Variants in CSMD1 observed in about 807,000 individuals in gnomAD.
CSMD1 encodes the protein CUB and sushi domain-containing protein 1.
CSMD1 carries 213 observed loss-of-function variants against 417.5 expected under a neutral mutation model. That is an observed-to-expected ratio of 0.51 (90% CI 0.46 to 0.57). The LOEUF (loss-of-function observed/expected upper bound fraction) is 0.57. Ranked by LOEUF, CSMD1 falls within the 20% of genes least tolerant of loss-of-function variation. CSMD1 has a pLI of 0.00. For missense variants in CSMD1, 6,923 were observed against 4,529.7 expected (o/e 1.53, Z -15.17); for synonymous variants, 2,862 against 1,736.8 (o/e 1.65, Z -16.11).
Position 3,915,405 on chromosome 8 carries a change from C to CAGAAAAA in CSMD1, c.818+82497_818+82498insTTTTTCT, listed in dbSNP as rs1554484704. Among the ~76,000 whole-genome samples, 645 of 76,222 alleles carry CAGAAAAA rather than the reference C, an allele frequency of 8.5e-3. 18 individuals are homozygous for CAGAAAAA. Among genetic ancestry groups the CAGAAAAA allele is most frequent in the African/African-American group, 0.022 (485 of 21,806 alleles). 50.0% of individuals were successfully genotyped at this position (76,222 alleles called of 152,430 possible). On this transcript the variant is annotated intron_variant, in intron 5 of 69. Coordinates refer to ENST00000635120, the MANE Select transcript of CSMD1 (RefSeq NM_033225.6). ...TAGGCGTCACAGTAAGACTCTGTCT[C>CAGAAAAA]AAAAAAAAAAAAAAAAAAAAAAAGA...
chr8:3,648,111 A>T (rs1241127920), intron 7 of CSMD1, among the ~76,000 whole-genome samples: 2 of 152,228 alleles, frequency 1.3e-5, no homozygotes, highest in African/African-American at 4.8e-5. Flanking sequence ...GGTGTCTCCT[A>T]AAAACAGAAC....
intron 2 of CSMD1, among the ~76,000 whole-genome samples, chr8:4,435,138 C>G (rs975779775): frequency 6.6e-6 from 1 of 151,980 alleles, no homozygotes; most frequent in Non-Finnish European, 1.5e-5. Context: ...TTTAAAGTAT[C>G]AGTAATATAT....
At chr8:4,056,048 C>G (rs896473855) in intron 3 of CSMD1, among the ~76,000 whole-genome samples, 3 of 149,978 alleles carry the variant, frequency 2.0e-5, no homozygotes, top group Non-Finnish European at 3.0e-5. Context: ...GAACTCAACC[C>G]TGAATCTCTG....
At chr8:3,608,453 G>A (rs1167543675) in intron 8 of CSMD1, among the ~76,000 whole-genome samples, 4 of 151,964 alleles carry the variant, frequency 2.6e-5, no homozygotes, top group Admixed American at 6.6e-5. Context: ...AAGGATAGAA[G>A]AATTTGAAAT....
At chr8:3,798,367 C>T (rs779466174) in intron 5 of CSMD1, among the ~76,000 whole-genome samples, 3 of 151,958 alleles carry the variant, frequency 2.0e-5, no homozygotes, top group African/African-American at 7.2e-5. Flanking sequence ...CTTACATTAG[C>T]CTCTAGTTTT....
At chr8:4,211,619 G>A (rs1327983943) in intron 3 of CSMD1, among the ~76,000 whole-genome samples, 1 of 152,156 alleles carries the variant, frequency 6.6e-6, no homozygotes, top group Non-Finnish European at 1.5e-5. Context: ...TGCTCCATAA[G>A]AACAGTAAAT....
intron 2 of CSMD1, among the ~76,000 whole-genome samples, chr8:4,469,868 CT>C (rs368325145): frequency 2.2e-3 from 325 of 144,534 alleles, no homozygotes; most frequent in Non-Finnish European, 2.1e-3. Context: ...TTTGGTTTTC[CT>C]TTTTTTTTTT....
intron 8 of CSMD1, among the ~76,000 whole-genome samples, chr8:3,611,980 T>C (rs1427452726): frequency 1.3e-5 from 2 of 152,142 alleles, no homozygotes; most frequent in Admixed American, 6.5e-5. Flanking sequence ...TCAAATAATA[T>C]ACTCAGTTAT....
intron 3 of CSMD1, among the ~76,000 whole-genome samples, chr8:4,079,039 C>A (rs931151318): frequency 6.6e-6 from 1 of 151,082 alleles, no homozygotes; most frequent in African/African-American, 2.4e-5. Flanking sequence ...CAGGTATGGA[C>A]CCGACCACAA....
chr8:4,075,807 C>G (rs1470421021), intron 3 of CSMD1, among the ~76,000 whole-genome samples: 1 of 152,108 alleles, frequency 6.6e-6, no homozygotes, highest in Non-Finnish European at 1.5e-5. Flanking sequence ...ACAGAGCAGT[C>G]CTTCATGGTT....
At chr8:4,631,896 T>C (rs576891586) in intron 2 of CSMD1, among the ~76,000 whole-genome samples, 7 of 152,300 alleles carry the variant, frequency 4.6e-5, no homozygotes, top group African/African-American at 1.2e-4. Context: ...TGAATTAATA[T>C]ATCCTGATTT....
chr8:3,586,112 C>A lies in CSMD1; in HGVS notation c.1222+24G>T, dbSNP rs551320729. On this transcript the variant is annotated intron_variant, in intron 9 of 69. Transcript: ENST00000635120. ...ACCTTAAAGAAAGAGATAATCCAGGCTTTACCCACCGCAGGTGCCTTACCT... is the reference window on the plus strand; with the variant it reads ...ACCTTAAAGAAAGAGATAATCCAGGATTTACCCACCGCAGGTGCCTTACCT... 27 of 1,603,830 alleles carry A rather than the reference C, an allele frequency of 1.7e-5. No individual in the cohort carries two copies. In the African/African-American group the frequency reaches 3.1e-4, roughly 18 times the overall value.
intron 5 of CSMD1, among the ~76,000 whole-genome samples, chr8:3,969,208 A>C (rs2554651): frequency 0.69 from 105,023 of 152,068 alleles, 36,741 homozygotes; most frequent in East Asian, 0.94. Context: ...CTAGATCGTG[A>C]CACTGCACTC....
At chr8:4,606,454 T>C (rs1016621201) in intron 2 of CSMD1, among the ~76,000 whole-genome samples, 1 of 152,150 alleles carries the variant, frequency 6.6e-6, no homozygotes, top group African/African-American at 2.4e-5. Flanking sequence ...TTCTTCCTGC[T>C]GTGATTACAA....
At chr8:3,367,818 C>A (rs1433092825) in intron 19 of CSMD1, among the ~76,000 whole-genome samples, 2 of 152,062 alleles carry the variant, frequency 1.3e-5, no homozygotes, top group East Asian at 1.9e-4. Context: ...TTAAGAAAAA[C>A]AGGTGAGAAT....
chr8:3,645,675 T>C lies in CSMD1; in HGVS notation c.1010-28878A>G, dbSNP rs17325334. Among the ~76,000 whole-genome samples the C allele has an allele frequency of 6.6e-3, 1,001 of 152,286 alleles. 7 individuals carry two copies. Among genetic ancestry groups the C allele is most frequent in the Non-Finnish European group, 0.012 (810 of 68,022 alleles). On this transcript the variant is annotated intron_variant, in intron 7 of 69. Transcript: ENST00000635120. Reference sequence around the variant, plus strand: ...AGGGAGCCACTGCTACAGCAGAGACTACGGCATTGCCTTTGAAAGAACTTT... The same window carrying C: ...AGGGAGCCACTGCTACAGCAGAGACCACGGCATTGCCTTTGAAAGAACTTT...
intron 3 of CSMD1, among the ~76,000 whole-genome samples, chr8:4,198,125 T>A (rs1311093066): frequency 6.6e-6 from 1 of 152,206 alleles, no homozygotes; most frequent in Admixed American, 6.5e-5. Flanking sequence ...GGGAGAAGGT[T>A]CTTTGAGTTG....
intron 1 of CSMD1, among the ~76,000 whole-genome samples, chr8:4,710,662 G>T (rs1281884462): frequency 2.6e-5 from 4 of 151,152 alleles, no homozygotes; most frequent in African/African-American, 4.9e-5. Context: ...TGGCTAACAA[G>T]GTGAAACCCC....
At chr8:3,511,437 C>G (rs1797062877) in intron 10 of CSMD1, among the ~76,000 whole-genome samples, 1 of 151,630 alleles carries the variant, frequency 6.6e-6, no homozygotes, top group South Asian at 2.1e-4. Flanking sequence ...TACCTATCCT[C>G]CAAAAGAAGA....
Sources: gnomAD v4.1 joint callset for allele counts (sites outside exome capture counted in the v4.1 genomes callset) on GRCh38, gnomAD v4.1.1 for gene constraint, MANE v1.5 for transcripts, NCBI Gene and HGNC (gene_info 2026-07-23, HGNC 2026-07-21) for gene names.